ATXN2: variants seen among roughly 807,000 people sequenced by gnomAD.
ATXN2 encodes ataxin-2.
Under a neutral mutation model 138.6 loss-of-function variants are expected in ATXN2, and 37 were observed. That is an observed-to-expected ratio of 0.27 (90% CI 0.21 to 0.35). The LOEUF (loss-of-function observed/expected upper bound fraction) is 0.35. Ranked by LOEUF, ATXN2 falls within the 10% of genes least tolerant of loss-of-function variation. The pLI, the probability that ATXN2 is intolerant of heterozygous loss-of-function variation, is 1.00. For missense variants in ATXN2, 1,216 were observed against 1,480.3 expected, an observed-to-expected ratio of 0.82 and a Z score of 2.93; for synonymous variants, 549 against 543.7, an observed-to-expected ratio of 1.01 and a Z score of -0.13.
chr12:111,467,307 C>CTTTTTTTTTTTT lies in ATXN2; in HGVS notation c.2843-2604_2843-2593dup, dbSNP rs61507608. Reference sequence around the variant, plus strand: ...ACAGGCATGTGCCACCATGACTGGGCTTTTTTTTTTTTTTTTTTTTTTTTT... The same window carrying CTTTTTTTTTTTT: ...ACAGGCATGTGCCACCATGACTGGGCTTTTTTTTTTTTTTTTTTTTTTTTTTTTTTTTTTTTT... On this transcript the variant is annotated intron_variant, in intron 20 of 24. Transcript: ENST00000673436. 5.7e-5 allele frequency among the ~76,000 whole-genome samples: 2 copies of CTTTTTTTTTTTT among 34,846 alleles called. 1 individual carries two copies. Among genetic ancestry groups the CTTTTTTTTTTTT allele is most frequent in the African/African-American group, 3.0e-4 (2 of 6,562 alleles). 22.9% of individuals were successfully genotyped at this position (34,846 alleles called of 152,430 possible). A position where few individuals can be genotyped will look rare whatever the true frequency, so the allele number is the denominator to read the frequency against.
At position 111,595,106 on chromosome 12, in the gene ATXN2, C is replaced by G. The variant is rs185391513; in HGVS notation, c.251+3678G>C. 2.1e-4 allele frequency among the ~76,000 whole-genome samples: 32 copies of G among 152,186 alleles called. No homozygotes were observed. In the East Asian group the frequency reaches 5.6e-3, roughly 27 times the overall value. On this transcript the variant is annotated intron_variant, in intron 1 of 24. Transcript: ENST00000673436. ...CAATATTTGACAAACTACAAAGAAA[C>G]CATTCCATGGAAGAGCAACCTTCTT...
chr12:111,528,168 T>TCA (rs1475293869), intron 5 of ATXN2, among the ~76,000 whole-genome samples: 1 of 152,172 alleles, frequency 6.6e-6, no homozygotes, highest in African/African-American at 2.4e-5. Context: ...AGATAGAAGC[T>TCA]CAGTATTAAA....
chr12:111,470,448 T>C (rs1876329478), intron 19 of ATXN2, 110 bp downstream of exon 19: 2 of 1,295,326 alleles, frequency 1.5e-6, no homozygotes, highest in African/African-American at 1.5e-5. Flanking sequence ...TCCTTAGCTA[T>C]CTACCCTACC....
At chr12:111,495,978 T>C (rs1454057636) in intron 14 of ATXN2, among the ~76,000 whole-genome samples, 5 of 116,952 alleles carry the variant, frequency 4.3e-5, no homozygotes, top group African/African-American at 2.3e-4. Context: ...GCCCCATCTC[T>C]ACAAAAAAAA....
Position 111,470,590 on chromosome 12 carries a change from G to A in ATXN2, c.2677C>T (p.Leu893Phe), listed in dbSNP as rs1876340560. 1.5e-5 allele frequency: 24 copies of A among 1,614,168 alleles called. No homozygotes were observed. The highest frequency in any genetic ancestry group is 2.0e-5 in the Non-Finnish European group (24 of 1,180,028). Residue 893 changes from leucine to phenylalanine, a missense_variant, in exon 19 of 25, where the codon CTT becomes TTT. Transcript: ENST00000673436. The stretch of plus-strand genomic sequence containing the variant: ...TGATAATGTGGCACATGCTGAACAA[G>A]GGGCTGATTTGGGAACTGCTGAGGA... Reference protein sequence around the residue: ...YSPQQFPNQPLVQHVPHYQSQ... With the variant: ...YSPQQFPNQPFVQHVPHYQSQ...
At chr12:111,465,596 C>A (rs138577114) in intron 20 of ATXN2, among the ~76,000 whole-genome samples, 2,219 of 150,824 alleles carry the variant, frequency 0.015, 62 homozygotes, top group African/African-American at 0.051. Context: ...ACGGTGAAAC[C>A]CCGTCTCTAC....
chr12:111,520,926 A>G lies in ATXN2; in HGVS notation c.744T>C (p.Asn248=), dbSNP rs778535178. 6.3e-6 allele frequency: 10 copies of G among 1,599,958 alleles called. No homozygotes were observed. In the Admixed American group the frequency reaches 6.8e-5, roughly 11 times the overall value. ...PNDMFRYNEE[N]YGVVSTYDSS... ...TATCATACGTAGACACTACACCATA[A>G]TTTTCTTCATTATATCGAAACATAT... is the stretch of plus-strand genomic sequence containing the variant. Residue 248 remains asparagine, a synonymous_variant, in exon 7 of 25, where the codon AAT becomes AAC. Transcript: ENST00000673436.
At chr12:111,571,816 A>G (rs1883330337) in intron 1 of ATXN2, among the ~76,000 whole-genome samples, 2 of 151,618 alleles carry the variant, frequency 1.3e-5, no homozygotes, top group Admixed American at 6.6e-5. Flanking sequence ...TCAGGAGACC[A>G]GCCTGGCCAA....
chr12:111,453,993 G>A lies in ATXN2; in HGVS notation c.3271-148C>T, dbSNP rs1874874764. 1 of 753,742 alleles carries A rather than the reference G, an allele frequency of 1.3e-6. No individual in the cohort carries two copies. The highest frequency in any genetic ancestry group is 2.1e-6 in the Non-Finnish European group (1 of 479,518). The allele number at this position is 753,742 out of a possible 1,614,324, so 46.7% of individuals were successfully genotyped here. ...TTCTGTTCTCTGGGGACAATCTCTA[G>A]TAGATTATCTATTGACCTGAAGACG... On this transcript the variant is annotated intron_variant, in intron 23 of 24. Coordinates refer to ENST00000673436, the MANE Select transcript of ATXN2 (RefSeq NM_001372574.1). This position sits in a 1 kb window ranked among gnomAD's most constrained non-coding sequence, Gnocchi z 5.4.
At chr12:111,560,950 C>T (rs541086056) in intron 1 of ATXN2, among the ~76,000 whole-genome samples, 82 of 152,280 alleles carry the variant, frequency 5.4e-4, no homozygotes, top group African/African-American at 1.9e-3. Flanking sequence ...ATTGGCCAGG[C>T]GCCCTGACTC....
intron 21 of ATXN2, 25 bp from the exon 22 acceptor site, chr12:111,457,384 G>A (rs374007476): frequency 6.3e-7 from 1 of 1,588,258 alleles, no homozygotes; most frequent in Non-Finnish European, 8.6e-7. Context: ...AAAGGAGCAT[G>A]TACACAACCG....
intron 1 of ATXN2, among the ~76,000 whole-genome samples, chr12:111,593,489 G>A (rs1367729711): frequency 6.6e-6 from 1 of 151,764 alleles, no homozygotes; most frequent in Non-Finnish European, 1.5e-5. Context: ...TTGCTAATTA[G>A]AGTAACACTG....
intron 1 of ATXN2, among the ~76,000 whole-genome samples, chr12:111,573,536 T>C (rs1024028654): frequency 6.6e-6 from 1 of 152,176 alleles, no homozygotes; most frequent in Non-Finnish European, 1.5e-5. Context: ...TATCTCTATA[T>C]TAGAAGCAAT....
At chr12:111,587,742 T>C (rs1300898849) in intron 1 of ATXN2, among the ~76,000 whole-genome samples, 2 of 152,158 alleles carry the variant, frequency 1.3e-5, no homozygotes, top group Admixed American at 1.3e-4. Flanking sequence ...GAGACCAACA[T>C]TCTAAAGTTC....
At position 111,516,883 on chromosome 12, in the gene ATXN2, G is replaced by T. The variant is rs547073481; in HGVS notation, c.1166-520C>A. Among the ~76,000 whole-genome samples, 91 of 152,190 alleles carry T rather than the reference G, an allele frequency of 6.0e-4. 1 individual carries two copies. The highest frequency in any genetic ancestry group is 3.4e-3 in the Middle Eastern group (1 of 294). On this transcript the variant is annotated intron_variant, in intron 9 of 24. Coordinates refer to ENST00000673436, the MANE Select transcript of ATXN2 (RefSeq NM_001372574.1). This position sits in a 1 kb window ranked among gnomAD's most constrained non-coding sequence, Gnocchi z 5.0. ...TTCATCAGGTTTACACTTGAACCCA[G>T]AACTCAGTTTGGAATCTTATTAAGC...
At chr12:111,592,735 A>T (rs1181411017) in intron 1 of ATXN2, among the ~76,000 whole-genome samples, 1 of 134,258 alleles carries the variant, frequency 7.4e-6, no homozygotes, top group Non-Finnish European at 1.6e-5. Context: ...GTAAGCAGAG[A>T]TCGTGCCACT....
At position 111,453,255 on chromosome 12, in the gene ATXN2, A is replaced by C; in HGVS notation, c.3440-415T>G. 9.4e-7 allele frequency: 1 copy of C among 1,063,476 alleles called. No homozygotes were observed. Among genetic ancestry groups the C allele is most frequent in the Non-Finnish European group, 1.1e-6 (1 of 880,816 alleles). The allele number at this position is 1,063,476 out of a possible 1,614,324, so 65.9% of individuals were successfully genotyped here. A position where few individuals can be genotyped will look rare whatever the true frequency, so the allele number is the denominator to read the frequency against. ...TGGGGCTAACGCTACACTCAAAGCC[A>C]GTCCATCCACAGCGCTTTCTCAGCA... On this transcript the variant is annotated intron_variant, in intron 24 of 24. Transcript: ENST00000673436. This position sits in a 1 kb window ranked among gnomAD's most constrained non-coding sequence, Gnocchi z 5.4.
intron 18 of ATXN2, among the ~76,000 whole-genome samples, chr12:111,475,735 G>GAA (rs1876769879): frequency 6.6e-6 from 1 of 150,584 alleles, no homozygotes; most frequent in Non-Finnish European, 1.5e-5. Context: ...AGTTCATATG[G>GAA]AAAAATAAAC....
intron 20 of ATXN2, chr12:111,468,370 A>T (rs1259945461): frequency 6.6e-6 from 1 of 152,256 alleles, no homozygotes; most frequent in Non-Finnish European, 1.5e-5. Flanking sequence ...CAATCACACA[A>T]TTTTTTATTT....
Sources: allele counts gnomAD v4.1 joint callset (sites outside exome capture counted in the v4.1 genomes callset), GRCh38; gene constraint gnomAD v4.1.1; non-coding constraint Gnocchi (gnomAD v3.1); transcripts MANE v1.5; gene names NCBI Gene and HGNC (gene_info 2026-07-23, HGNC 2026-07-21).